ARHGEF38: variants seen among roughly 807,000 people sequenced by gnomAD.
ARHGEF38 encodes Rho guanine nucleotide exchange factor 38, also known as Rho guanine nucleotide exchange factor (GEF) 38.
In ARHGEF38, 79 loss-of-function variants were observed where a neutral mutation model predicts 79.9. The observed-to-expected ratio is 0.99, with a 90% CI of 0.82 to 1.19. The LOEUF (loss-of-function observed/expected upper bound fraction) is 1.19, where lower values mean the gene tolerates loss of function less well. Ranked by LOEUF, ARHGEF38 falls within the 50% of genes most tolerant of loss-of-function variation. The pLI is 0.00. For missense variants in ARHGEF38, 962 were observed against 907.2 expected (o/e 1.06, Z -0.78); for synonymous variants, 366 against 328.3 (o/e 1.11, Z -1.24).
At chr4:105,627,512 A>G (rs1343432115) in intron 3 of ARHGEF38, among the ~76,000 whole-genome samples, 1 of 152,220 alleles carries the variant, frequency 6.6e-6, no homozygotes, top group Non-Finnish European at 1.5e-5. Flanking sequence ...TTTTTAATGA[A>G]GATAACTAAG....
Position 105,590,325 on chromosome 4 carries a change from A to T in ARHGEF38, c.384+890A>T, listed in dbSNP as rs149181345. ...AGACTCCAAGGAGTGATAACTCATC[A>T]TTAGGGTTGTAAATACACAAATCAA... is the stretch of plus-strand genomic sequence containing the variant. On this transcript the variant is annotated intron_variant, in intron 2 of 13. Coordinates refer to ENST00000420470, the MANE Select transcript of ARHGEF38 (RefSeq NM_001242729.2). 3.1e-3 allele frequency among the ~76,000 whole-genome samples: 474 copies of T among 152,290 alleles called. 5 individuals carry two copies. Among genetic ancestry groups the T allele is most frequent in the African/African-American group, 0.011 (447 of 41,554 alleles).
chr4:105,603,904 T>A (rs1560715248), intron 2 of ARHGEF38, among the ~76,000 whole-genome samples: 1 of 152,200 alleles, frequency 6.6e-6, no homozygotes, highest in Admixed American at 6.5e-5. Flanking sequence ...GCAAACCATC[T>A]CCCGCTCACT....
intron 5 of ARHGEF38, among the ~76,000 whole-genome samples, chr4:105,641,207 T>C (rs571223561): frequency 3.9e-5 from 6 of 152,240 alleles, no homozygotes; most frequent in Admixed American, 3.9e-4. Flanking sequence ...TCTCCAACAC[T>C]TGTAAGAATT....
chr4:105,624,029 C>T (rs1285982991), intron 3 of ARHGEF38, among the ~76,000 whole-genome samples: 4 of 152,162 alleles, frequency 2.6e-5, no homozygotes, highest in Admixed American at 2.6e-4. Flanking sequence ...GGTTCCCATC[C>T]TCCACTCTGC....
intron 4 of ARHGEF38, among the ~76,000 whole-genome samples, chr4:105,634,816 C>G (rs890686263): frequency 2.6e-5 from 4 of 152,108 alleles, no homozygotes; most frequent in Non-Finnish European, 5.9e-5. Context: ...AGGCCATCAT[C>G]CCCAGGAGGA....
At chr4:105,576,393 A>G (rs1162254739) in intron 1 of ARHGEF38, among the ~76,000 whole-genome samples, 1 of 137,092 alleles carries the variant, frequency 7.3e-6, no homozygotes, top group Non-Finnish European at 1.5e-5. Flanking sequence ...TTAGTTATTC[A>G]ATTTTCTTTT....
At chr4:105,622,624 C>T (rs769146937) in intron 3 of ARHGEF38, among the ~76,000 whole-genome samples, 1 of 152,120 alleles carries the variant, frequency 6.6e-6, no homozygotes, top group Non-Finnish European at 1.5e-5. Context: ...ACAAGAAATC[C>T]GTAACTCACA....
chr4:105,644,469 G>C (rs1214402145), intron 5 of ARHGEF38, among the ~76,000 whole-genome samples: 1 of 152,166 alleles, frequency 6.6e-6, no homozygotes, highest in Non-Finnish European at 1.5e-5. Flanking sequence ...CCTGTGAACT[G>C]CCTAACCAGT....
At chr4:105,565,860 C>T (rs901911524) in intron 1 of ARHGEF38, among the ~76,000 whole-genome samples, 1 of 152,136 alleles carries the variant, frequency 6.6e-6, no homozygotes, top group African/African-American at 2.4e-5. Flanking sequence ...CTCCTTTACC[C>T]TCTGCATTGA....
In ARHGEF38 at chr4:105,680,317, T is replaced by A. The variant is rs1731265140; in HGVS notation, c.*2380T>A. The A allele has an allele frequency of 3.4e-6, 1 of 295,228 alleles. No individual in the cohort carries two copies. The highest frequency in any genetic ancestry group is 6.6e-6 in the Non-Finnish European group (1 of 152,252). The allele number at this position is 295,228 out of a possible 1,614,324, so 18.3% of individuals were successfully genotyped here. On this transcript the variant is annotated 3_prime_UTR_variant, in exon 14 of 14. Transcript: ENST00000420470. Reference sequence around the variant, plus strand: ...CTACTAATGGGATTAAAATGTACAATCCTAAAAGCTTACTTGTTAGCACAC... The same window carrying A: ...CTACTAATGGGATTAAAATGTACAAACCTAAAAGCTTACTTGTTAGCACAC...
chr4:105,661,533 A>G (rs1361986627), intron 10 of ARHGEF38, among the ~76,000 whole-genome samples: 1 of 149,340 alleles, frequency 6.7e-6, no homozygotes, highest in East Asian at 2.0e-4. Context: ...TAGCTATCCT[A>G]ATGGGTGTGC....
chr4:105,678,623 G>C lies in ARHGEF38; in HGVS notation c.*686G>C. On this transcript the variant is annotated 3_prime_UTR_variant, in exon 14 of 14. Transcript: ENST00000420470. ...CTAAGTGCTTTATATGTAGTAACTT[G>C]TTTAATATTCAAAACATTATGAAGA... The C allele has an allele frequency of 6.6e-6, 1 of 152,082 alleles. No individual in the cohort carries two copies. The highest frequency in any genetic ancestry group is 1.9e-4 in the East Asian group (1 of 5,196). The allele number at this position is 152,082 out of a possible 1,614,324, so 9.4% of individuals were successfully genotyped here.
At chr4:105,636,245 G>T (rs1032377978) in intron 4 of ARHGEF38, among the ~76,000 whole-genome samples, 158 bp from the exon 5 acceptor site, 1 of 151,458 alleles carries the variant, frequency 6.6e-6, no homozygotes, top group Non-Finnish European at 1.5e-5. Flanking sequence ...TATTTGTTAG[G>T]GACATGATTA....
At chr4:105,613,864 A>G (rs1479851627) in intron 3 of ARHGEF38, among the ~76,000 whole-genome samples, 1 of 152,126 alleles carries the variant, frequency 6.6e-6, no homozygotes, top group East Asian at 1.9e-4. Context: ...ATTTCTCATT[A>G]CAATGTTTTT....
chr4:105,635,896 A>G (rs1285302060), intron 4 of ARHGEF38, among the ~76,000 whole-genome samples: 1 of 152,100 alleles, frequency 6.6e-6, no homozygotes, highest in East Asian at 1.9e-4. Context: ...ATTCACTCAT[A>G]TAGCATGTCT....
intron 5 of ARHGEF38, among the ~76,000 whole-genome samples, chr4:105,640,307 A>T (rs959830518): frequency 6.6e-6 from 1 of 152,104 alleles, no homozygotes; most frequent in African/African-American, 2.4e-5. Flanking sequence ...ATGAATTAAC[A>T]ATTGTTGATT....
At chr4:105,575,185 G>C (rs1333818129) in intron 1 of ARHGEF38, among the ~76,000 whole-genome samples, 2 of 151,998 alleles carry the variant, frequency 1.3e-5, no homozygotes, top group Non-Finnish European at 2.9e-5. Context: ...TCCATTAGTG[G>C]GATGGCTGGA....
chr4:105,577,377 CT>C (rs992195262), intron 1 of ARHGEF38, among the ~76,000 whole-genome samples: 5 of 150,620 alleles, frequency 3.3e-5, no homozygotes, highest in Admixed American at 6.6e-5. Flanking sequence ...TTGCGATAGT[CT>C]TTTTTTATTA....
intron 13 of ARHGEF38, among the ~76,000 whole-genome samples, chr4:105,672,739 G>A (rs1338990974): frequency 6.6e-6 from 1 of 152,120 alleles, no homozygotes; most frequent in Non-Finnish European, 1.5e-5. Flanking sequence ...CTGTTTGCTG[G>A]TTGTATTGCT....
Sources: gnomAD v4.1 joint callset for allele counts (sites outside exome capture counted in the v4.1 genomes callset) on GRCh38, gnomAD v4.1.1 for gene constraint, MANE v1.5 for transcripts, NCBI Gene and HGNC (gene_info 2026-07-23, HGNC 2026-07-21) for gene names.